VLDLR: variants seen among roughly 807,000 people sequenced by gnomAD.
VLDLR encodes the protein very low density lipoprotein receptor, also known as very low-density lipoprotein receptor.
In VLDLR, 81 loss-of-function variants were observed where a neutral mutation model predicts 112.7. That is an observed-to-expected ratio of 0.72 (90% CI 0.60 to 0.86). The LOEUF (loss-of-function observed/expected upper bound fraction) is 0.86, where lower values mean the gene tolerates loss of function less well. Among genes scored for constraint, VLDLR ranks in the 40% least tolerant of loss-of-function variants. The pLI is 0.00. For synonymous variants in VLDLR, 436 were observed against 384.8 expected (o/e 1.13, Z -1.56); for missense variants, 1,237 against 1,099.4 (o/e 1.13, Z -1.77).
chr9:2,653,521 G>A (rs550100242), intron 18 of VLDLR, among the ~76,000 whole-genome samples: 25 of 152,218 alleles, frequency 1.6e-4, no homozygotes, highest in African/African-American at 3.9e-4. Context: ...CTCAAACTCC[G>A]GTGAAACATG....
At chr9:2,629,765 T>C (rs1817254264) in intron 1 of VLDLR, among the ~76,000 whole-genome samples, 2 of 152,206 alleles carry the variant, frequency 1.3e-5, no homozygotes, top group South Asian at 2.1e-4. Flanking sequence ...CACCACTTTT[T>C]AGTGGCCCCC....
intron 15 of VLDLR, among the ~76,000 whole-genome samples, chr9:2,651,066 A>C (rs1455772579): frequency 6.6e-6 from 1 of 152,162 alleles, no homozygotes; most frequent in Non-Finnish European, 1.5e-5. Context: ...TTTACCAAGA[A>C]ATTAGTTGCA....
intron 1 of VLDLR, among the ~76,000 whole-genome samples, chr9:2,633,847 A>G (rs1817477757): frequency 6.6e-6 from 1 of 152,140 alleles, no homozygotes; most frequent in African/African-American, 2.4e-5. Context: ...ATCCAGTGGC[A>G]ATGAGGGGAG....
chr9:2,645,295 C>G (rs1273071035), intron 9 of VLDLR, among the ~76,000 whole-genome samples: 2 of 152,104 alleles, frequency 1.3e-5, no homozygotes, highest in African/African-American at 4.8e-5. Flanking sequence ...CCATGAATAC[C>G]TACCAGGTTT....
chr9:2,628,048 A>C (rs1817172453), intron 1 of VLDLR, among the ~76,000 whole-genome samples: 1 of 152,120 alleles, frequency 6.6e-6, no homozygotes, highest in Non-Finnish European at 1.5e-5. Flanking sequence ...TTTAGTTCAG[A>C]CCAGCTTTAT....
At chr9:2,636,810 TG>T (rs1335387393) in intron 2 of VLDLR, among the ~76,000 whole-genome samples, 1 of 152,258 alleles carries the variant, frequency 6.6e-6, no homozygotes, top group Non-Finnish European at 1.5e-5. Flanking sequence ...TCCTCACTCT[TG>T]TCAACTATTT....
intron 17 of VLDLR, among the ~76,000 whole-genome samples, 191 bp from the exon 18 acceptor site, chr9:2,652,589 C>A (rs35075133): frequency 6.6e-6 from 1 of 152,054 alleles, no homozygotes; most frequent in African/African-American, 2.4e-5. Flanking sequence ...CTCCAGTGCA[C>A]AGAGCTACCT....
intron 13 of VLDLR, 144 bp downstream of exon 13, chr9:2,648,491 C>T: frequency 6.6e-7 from 1 of 1,505,888 alleles, no homozygotes; most frequent in Non-Finnish European, 9.2e-7. Context: ...ACAAATCAGA[C>T]ACTAAGTCCC....
Position 2,652,963 on chromosome 9 carries a change from G to C in VLDLR, c.2586+14G>C. ...ACGTACCCAGCAGTAAGTCAGCTTT[G>C]TGTCTTTATACACCATGGCTTGAAG... On this transcript the variant is annotated intron_variant, in intron 18 of 18. Coordinates refer to ENST00000382100, the MANE Select transcript of VLDLR (RefSeq NM_003383.5). 2 of 1,613,918 alleles carry C rather than the reference G, an allele frequency of 1.2e-6. No homozygotes were observed. The highest frequency in any genetic ancestry group is 1.7e-6 in the Non-Finnish European group (2 of 1,179,850).
At chr9:2,647,095 T>C (rs1369178445) in intron 11 of VLDLR, among the ~76,000 whole-genome samples, 1 of 152,202 alleles carries the variant, frequency 6.6e-6, no homozygotes, top group Non-Finnish European at 1.5e-5. Flanking sequence ...ACTAAGGCTG[T>C]AGTTGTCATC....
At position 2,654,432 on chromosome 9, in the gene VLDLR, T is replaced by A. The variant is rs558443957; in HGVS notation, c.*564T>A. ...GTTTGCAAAGACTGAGTGTTCAAAC[T>A]ACTGTACATTTTTTTTCAAGTGCTA... On this transcript the variant is annotated 3_prime_UTR_variant, in exon 19 of 19. Coordinates refer to ENST00000382100, the MANE Select transcript of VLDLR (RefSeq NM_003383.5). The A allele has an allele frequency of 7.0e-5, 11 of 157,716 alleles. No individual in the cohort carries two copies. Among genetic ancestry groups the A allele is most frequent in the Admixed American group, 1.2e-4 (2 of 16,524 alleles). 9.8% of individuals were successfully genotyped at this position (157,716 alleles called of 1,614,324 possible). A position where few individuals can be genotyped will look rare whatever the true frequency, so the allele number is the denominator to read the frequency against.
At chr9:2,631,290 T>G (rs1221674663) in intron 1 of VLDLR, among the ~76,000 whole-genome samples, 1 of 152,192 alleles carries the variant, frequency 6.6e-6, no homozygotes, top group Non-Finnish European at 1.5e-5. Context: ...GAATTAACAT[T>G]TGATCCAGCA....
In VLDLR at chr9:2,653,822, C is replaced by G; in HGVS notation, c.2587-11C>G. 6.2e-7 allele frequency: 1 copy of G among 1,613,906 alleles called. No homozygotes were observed. On this transcript the variant is annotated splice_polypyrimidine_tract_variant and intron_variant, in intron 18 of 18. Coordinates refer to ENST00000382100, the MANE Select transcript of VLDLR (RefSeq NM_003383.5). ...TCACCAAGCTCATTCTATACTTCTT[C>G]TTTTCCACAGATATCAGTTGTAAGC...
At position 2,628,802 on chromosome 9, in the gene VLDLR, G is replaced by A. The variant is rs1817212718; in HGVS notation, c.82+6531G>A. On this transcript the variant is annotated intron_variant, in intron 1 of 18. Transcript: ENST00000382100. ...TGGATTTTAGAAGAACCTCTGCCTA[G>A]TAAGACACCCAAATAAATTTTTTCT... Among the ~76,000 whole-genome samples, 7 of 152,294 alleles carry A rather than the reference G, an allele frequency of 4.6e-5. No individual in the cohort carries two copies. In the South Asian group the frequency reaches 1.2e-3, roughly 27 times the overall value.
In VLDLR at chr9:2,656,410, A is replaced by G. The variant is rs1214263621; in HGVS notation, c.*2542A>G. ...GGAGTTCGAGACCAGCCTGAGCAAC[A>G]TGGTGAGACCCTGTCTCTACAAAAA... is the stretch of plus-strand genomic sequence containing the variant. On this transcript the variant is annotated 3_prime_UTR_variant, in exon 19 of 19. Coordinates refer to ENST00000382100, the MANE Select transcript of VLDLR (RefSeq NM_003383.5). 6.6e-6 allele frequency: 1 copy of G among 151,948 alleles called. No individual in the cohort carries two copies. Among genetic ancestry groups the G allele is most frequent in the Non-Finnish European group, 1.5e-5 (1 of 68,060 alleles). 9.4% of individuals were successfully genotyped at this position (151,948 alleles called of 1,614,324 possible). A position where few individuals can be genotyped will look rare whatever the true frequency, so the allele number is the denominator to read the frequency against.
intron 2 of VLDLR, among the ~76,000 whole-genome samples, chr9:2,636,208 C>G (rs1282116145): frequency 6.6e-6 from 1 of 152,144 alleles, no homozygotes; most frequent in African/African-American, 2.4e-5. Context: ...CATGTCAAGC[C>G]AAAATAGCTG....
At chr9:2,626,286 A>G (rs368855237) in intron 1 of VLDLR, among the ~76,000 whole-genome samples, 1 of 152,194 alleles carries the variant, frequency 6.6e-6, no homozygotes, top group Non-Finnish European at 1.5e-5. Flanking sequence ...CCTGAAGGTA[A>G]TTTTATAGAC....
chr9:2,648,459 C>G, intron 13 of VLDLR, 112 bp downstream of exon 13: 4 of 1,556,336 alleles, frequency 2.6e-6, no homozygotes, highest in South Asian at 1.1e-5. Context: ...GCTTGAGAAA[C>G]TGCTTTCACT....
intron 1 of VLDLR, among the ~76,000 whole-genome samples, chr9:2,625,665 T>C (rs1001484712): frequency 2.0e-5 from 3 of 152,226 alleles, no homozygotes; most frequent in Non-Finnish European, 2.9e-5. Context: ...ACATGGTTAG[T>C]TGATAAATTC....
Sources: allele counts gnomAD v4.1 joint callset (sites outside exome capture counted in the v4.1 genomes callset), GRCh38; gene constraint gnomAD v4.1.1; transcripts MANE v1.5; gene names NCBI Gene and HGNC (gene_info 2026-07-23, HGNC 2026-07-21).